The following SNX4 variants were observed in gnomAD, a reference collection of about 807,000 sequenced individuals.
SNX4 encodes sorting nexin-4.
In SNX4, 49 loss-of-function variants were observed where a neutral mutation model predicts 70.8. The ratio of observed to expected loss-of-function variants is 0.69; its 90% CI spans 0.55 to 0.88. The LOEUF (loss-of-function observed/expected upper bound fraction) is 0.88, where lower values mean the gene tolerates loss of function less well. Ranked by LOEUF, SNX4 falls within the 40% of genes least tolerant of loss-of-function variation. The pLI, the probability that SNX4 is intolerant of heterozygous loss-of-function variation, is 0.00. For synonymous variants in SNX4, 206 were observed against 183.8 expected, an observed-to-expected ratio of 1.12 and a Z score of -0.98; for missense variants, 528 against 544.8, an observed-to-expected ratio of 0.97 and a Z score of 0.31.
At chr3:125,485,296 T>TAAA (rs1255311895) in intron 6 of SNX4, among the ~76,000 whole-genome samples, 1 of 152,066 alleles carries the variant, frequency 6.6e-6, no homozygotes, top group Non-Finnish European at 1.5e-5. Context: ...ATCTATTTTA[T>TAAA]ATGGCTTTCC....
intron 7 of SNX4, among the ~76,000 whole-genome samples, 172 bp from the exon 8 acceptor site, chr3:125,476,928 C>G (rs970559097): frequency 6.6e-6 from 1 of 152,122 alleles, no homozygotes; most frequent in Non-Finnish European, 1.5e-5. Context: ...AGTGCTCTTA[C>G]CATATTTATC....
intron 7 of SNX4, among the ~76,000 whole-genome samples, chr3:125,478,668 T>G (rs1310995033): frequency 6.6e-6 from 1 of 152,034 alleles, no homozygotes; most frequent in Non-Finnish European, 1.5e-5. Context: ...CCAAACCTCC[T>G]TCCTAAAAGC....
At chr3:125,453,404 A>G (rs1358578663) in intron 12 of SNX4, among the ~76,000 whole-genome samples, 1 of 152,168 alleles carries the variant, frequency 6.6e-6, no homozygotes. Flanking sequence ...CAGGAAAATA[A>G]TATTATGAAG....
intron 10 of SNX4, among the ~76,000 whole-genome samples, chr3:125,459,486 G>C (rs1465388765): frequency 2.0e-5 from 3 of 152,124 alleles, no homozygotes; most frequent in Admixed American, 6.5e-5. Context: ...ACCCAGGCTG[G>C]AGTGTAATGG....
chr3:125,473,126 A>G (rs890307923), intron 8 of SNX4, among the ~76,000 whole-genome samples: 1 of 152,142 alleles, frequency 6.6e-6, no homozygotes, highest in East Asian at 1.9e-4. Flanking sequence ...AAATGAGCCC[A>G]TCACCCACAC....
chr3:125,455,639 G>T (rs1158474763), intron 11 of SNX4, among the ~76,000 whole-genome samples: 1 of 152,152 alleles, frequency 6.6e-6, no homozygotes, highest in African/African-American at 2.4e-5. Flanking sequence ...ATGTGTCCTG[G>T]TCACAAGTCT....
intron 9 of SNX4, among the ~76,000 whole-genome samples, chr3:125,462,476 G>C (rs1417515586): frequency 1.3e-5 from 2 of 151,680 alleles, no homozygotes; most frequent in African/African-American, 4.8e-5. Flanking sequence ...TATAGTCCCA[G>C]GTGCTCAGGA....
At chr3:125,453,762 C>T in intron 12 of SNX4, 48 bp downstream of exon 12, 5 of 1,557,502 alleles carry the variant, frequency 3.2e-6, no homozygotes, top group Non-Finnish European at 4.4e-6. Flanking sequence ...AAATAATCTA[C>T]CATATAGTCT....
intron 11 of SNX4, 75 bp downstream of exon 11, chr3:125,457,191 C>A (rs879787095): frequency 1.1e-5 from 11 of 1,004,022 alleles, no homozygotes; most frequent in South Asian, 2.6e-5. Context: ...GTGAGTTACT[C>A]ACTCAGAGTG....
intron 8 of SNX4, among the ~76,000 whole-genome samples, chr3:125,471,148 C>T (rs1934160204): frequency 6.6e-6 from 1 of 151,860 alleles, no homozygotes. Context: ...AGTTCGAGAC[C>T]AGCCTGACCA....
chr3:125,469,903 A>G (rs1032724331), intron 8 of SNX4, among the ~76,000 whole-genome samples: 2 of 152,212 alleles, frequency 1.3e-5, no homozygotes, highest in African/African-American at 4.8e-5. Context: ...ACATTTTTAA[A>G]TACTCCATGT....
intron 1 of SNX4, among the ~76,000 whole-genome samples, chr3:125,509,098 A>G (rs1475166651): frequency 6.6e-6 from 1 of 151,792 alleles, no homozygotes; most frequent in Non-Finnish European, 1.5e-5. Context: ...TTTGGGAGGC[A>G]GAGGCAGGAG....
chr3:125,461,172 G>A (rs930311419), intron 9 of SNX4, among the ~76,000 whole-genome samples: 1 of 152,192 alleles, frequency 6.6e-6, no homozygotes, highest in Non-Finnish European at 1.5e-5. Flanking sequence ...GTTGCAGTGA[G>A]CCAAGATCAT....
chr3:125,479,545 A>G (rs1433745220), intron 7 of SNX4, among the ~76,000 whole-genome samples: 2 of 151,080 alleles, frequency 1.3e-5, no homozygotes, highest in African/African-American at 4.9e-5. Flanking sequence ...ACAGAGCGAG[A>G]CTCCATCTCA....
At chr3:125,476,390 G>A (rs760226328) in intron 8 of SNX4, among the ~76,000 whole-genome samples, 4 of 151,186 alleles carry the variant, frequency 2.6e-5, no homozygotes, top group Non-Finnish European at 4.4e-5. Flanking sequence ...TGACCAACAC[G>A]GTGAAACCCC....
At chr3:125,497,485 G>T in intron 4 of SNX4, 97 bp from the exon 5 acceptor site, 1 of 814,876 alleles carries the variant, frequency 1.2e-6, no homozygotes, top group Non-Finnish European at 2.0e-6. Flanking sequence ...ACTTCAGCAG[G>T]AATTGGAGAG....
At chr3:125,469,582 G>T (rs976962473) in intron 8 of SNX4, 63 bp from the exon 9 acceptor site, 1 of 1,124,072 alleles carries the variant, frequency 8.9e-7, no homozygotes, top group South Asian at 1.3e-5. Context: ...GTATTAAATG[G>T]ACTCTTTTCA....
chr3:125,519,442 A>G (rs1339001931), intron 1 of SNX4, among the ~76,000 whole-genome samples: 1 of 152,178 alleles, frequency 6.6e-6, no homozygotes, highest in Non-Finnish European at 1.5e-5. Flanking sequence ...AGGAGTCTAA[A>G]AAATGTTTTC....
intron 8 of SNX4, among the ~76,000 whole-genome samples, chr3:125,470,029 C>T (rs972331246): frequency 2.0e-5 from 3 of 152,210 alleles, no homozygotes; most frequent in African/African-American, 7.2e-5. Context: ...AATCATATTA[C>T]ACAAGAAAGC....
Sources: allele counts gnomAD v4.1 joint callset (sites outside exome capture counted in the v4.1 genomes callset), GRCh38; gene constraint gnomAD v4.1.1; transcripts MANE v1.5; gene names NCBI Gene and HGNC (gene_info 2026-07-23, HGNC 2026-07-21).